PKHD1: variants seen among roughly 807,000 people sequenced by gnomAD.
The protein encoded by PKHD1 is fibrocystin.
PKHD1 carries 291 observed loss-of-function variants against 412.0 expected under a neutral mutation model. The observed-to-expected ratio is 0.71, with a 90% CI of 0.64 to 0.78. The LOEUF (loss-of-function observed/expected upper bound fraction) is 0.78, where lower values mean the gene tolerates loss of function less well. PKHD1 is among the 30% of genes least tolerant of loss of function. The probability of loss-of-function intolerance (pLI) is 0.00; values close to 1 mark genes in which losing one functional copy is unlikely to be tolerated. For missense variants in PKHD1, 4,825 were observed against 4,950.7 expected (o/e 0.97, Z 0.76); for synonymous variants, 1,777 against 1,821.5 (o/e 0.98, Z 0.62).
intron 60 of PKHD1, chr6:51,721,910 G>T: frequency 2.5e-6 from 4 of 1,609,506 alleles, no homozygotes; most frequent in Non-Finnish European, 3.4e-6. Context: ...TTTGGTCCAT[G>T]CTCCAACCCA....
chr6:52,082,595 A>G, intron 3 of PKHD1, 53 bp from the exon 4 acceptor site: 2 of 1,563,534 alleles, frequency 1.3e-6, no homozygotes, highest in Non-Finnish European at 1.8e-6. Flanking sequence ...TTGACACAGG[A>G]CAGTGTGAAA....
chr6:51,970,866 T>C (rs148981816), intron 35 of PKHD1, among the ~76,000 whole-genome samples: 100 of 152,324 alleles, frequency 6.6e-4, no homozygotes, highest in Admixed American at 1.8e-3. Flanking sequence ...TGCAGTATAA[T>C]TCGAAGTCAG....
intron 35 of PKHD1, among the ~76,000 whole-genome samples, chr6:51,989,899 GGGAGGAAGGAAGGAAGGAAGGAA>G (rs1796692994): frequency 1.3e-4 from 1 of 7,812 alleles, no homozygotes; most frequent in African/African-American, 6.3e-4. Context: ...GAAGGAAGGA[GGGAGGAAGGAAGGAAGGAAGGAA>G]GGAAGGAAGG....
intron 37 of PKHD1, among the ~76,000 whole-genome samples, chr6:51,921,833 CT>C (rs1784760513): frequency 6.6e-6 from 1 of 152,110 alleles, no homozygotes; most frequent in South Asian, 2.1e-4. Context: ...TTCATCTAAT[CT>C]TTTTTCAAGG....
intron 52 of PKHD1, among the ~76,000 whole-genome samples, chr6:51,823,637 C>G (rs1424883692): frequency 1.3e-5 from 2 of 152,096 alleles, no homozygotes; most frequent in African/African-American, 4.8e-5. Flanking sequence ...GAAAAAGAAT[C>G]TCAACCTATT....
chr6:51,756,334 T>C (rs1200531469), intron 55 of PKHD1, among the ~76,000 whole-genome samples: 2 of 152,162 alleles, frequency 1.3e-5, no homozygotes, highest in African/African-American at 2.4e-5. Flanking sequence ...TAAGACTAGA[T>C]AAATACATGG....
intron 60 of PKHD1, among the ~76,000 whole-genome samples, chr6:51,674,844 T>C (rs1363080194): frequency 2.0e-5 from 3 of 152,194 alleles, no homozygotes; most frequent in Non-Finnish European, 4.4e-5. Context: ...TTTAATATTT[T>C]ATCATACTAT....
intron 60 of PKHD1, among the ~76,000 whole-genome samples, chr6:51,741,337 T>C (rs548350573): frequency 6.6e-6 from 1 of 152,190 alleles, no homozygotes; most frequent in Non-Finnish European, 1.5e-5. Context: ...ACAAAACCTA[T>C]GACTTCCTTC....
At chr6:51,953,988 A>C (rs910176958) in intron 36 of PKHD1, among the ~76,000 whole-genome samples, 5 of 152,148 alleles carry the variant, frequency 3.3e-5, no homozygotes, top group Non-Finnish European at 7.4e-5. Context: ...CAGAAGCAAA[A>C]GCAATCCAAG....
chr6:51,832,067 C>G (rs778975674), intron 51 of PKHD1, among the ~76,000 whole-genome samples: 10 of 152,032 alleles, frequency 6.6e-5, no homozygotes, highest in Middle Eastern at 3.2e-3. Context: ...TGAGCACCTT[C>G]TCTATTAGAA....
chr6:51,837,599 G>A (rs1261164510), intron 50 of PKHD1, among the ~76,000 whole-genome samples: 1 of 152,064 alleles, frequency 6.6e-6, no homozygotes, highest in Non-Finnish European at 1.5e-5. Flanking sequence ...CCAGCTACTA[G>A]GGAAGCTGAG....
intron 11 of PKHD1, 127 bp downstream of exon 11, chr6:52,069,330 C>T (rs1425974345): frequency 3.9e-6 from 3 of 774,886 alleles, no homozygotes; most frequent in African/African-American, 3.4e-5. Context: ...AAACACCAGG[C>T]TGTCTATGAT....
chr6:51,871,633 T>C (rs1218753211), intron 46 of PKHD1, among the ~76,000 whole-genome samples: 1 of 118,894 alleles, frequency 8.4e-6, no homozygotes, highest in Admixed American at 7.9e-5. Flanking sequence ...TTAAAGCTCA[T>C]AGAACTGTAC....
At chr6:51,727,533 GC>G (rs1782726014) in intron 60 of PKHD1, among the ~76,000 whole-genome samples, 1 of 152,162 alleles carries the variant, frequency 6.6e-6, no homozygotes, top group South Asian at 2.1e-4. Flanking sequence ...TTACAGGGTG[GC>G]CCCCTTCTGG....
intron 36 of PKHD1, among the ~76,000 whole-genome samples, chr6:51,941,141 C>T (rs973643684): frequency 1.3e-5 from 2 of 150,738 alleles, no homozygotes; most frequent in Admixed American, 1.3e-4. Context: ...CCATTAAAAC[C>T]TAATCACCCT....
Position 51,616,694 on chromosome 6 carries a change from C to A in PKHD1, c.*2387G>T. 1 of 398,396 alleles carries A rather than the reference C, an allele frequency of 2.5e-6. No individual in the cohort carries two copies. Among genetic ancestry groups the A allele is most frequent in the Non-Finnish European group, 4.4e-6 (1 of 225,948 alleles). The allele number at this position is 398,396 out of a possible 1,614,324, so 24.7% of individuals were successfully genotyped here. A position where few individuals can be genotyped will look rare whatever the true frequency, so the allele number is the denominator to read the frequency against. ...CAATTCTGGCCTCAGGGATCACAGG[C>A]TTTTCTGGGATGGAATTAGTAAGAT... On this transcript the variant is annotated 3_prime_UTR_variant, in exon 67 of 67. Transcript: ENST00000371117.
chr6:51,993,385 A>G (rs1233395392), intron 35 of PKHD1, among the ~76,000 whole-genome samples: 1 of 152,256 alleles, frequency 6.6e-6, no homozygotes, highest in Non-Finnish European at 1.5e-5. Context: ...GGAAGTGGAC[A>G]GGTACCGAAC....
At chr6:52,036,137 C>G (rs1358361109) in intron 27 of PKHD1, among the ~76,000 whole-genome samples, 3 of 152,152 alleles carry the variant, frequency 2.0e-5, no homozygotes, top group Non-Finnish European at 4.4e-5. Context: ...AGGGTCAGGG[C>G]CACAGATTGC....
chr6:51,618,613 C>T lies in PKHD1; in HGVS notation c.*468G>A. ...CAGGGAGCAGGGTGTTGAACTGTCC[C>T]TTCAAATGCTACTACAGGATAAAGA... On this transcript the variant is annotated 3_prime_UTR_variant, in exon 67 of 67. Transcript: ENST00000371117. 4.1e-6 allele frequency: 1 copy of T among 242,050 alleles called. No homozygotes were observed. The highest frequency in any genetic ancestry group is 8.1e-6 in the Non-Finnish European group (1 of 123,188). The allele number at this position is 242,050 out of a possible 1,614,324, so 15.0% of individuals were successfully genotyped here.
Sources: gnomAD v4.1 joint callset for allele counts (sites outside exome capture counted in the v4.1 genomes callset) on GRCh38, gnomAD v4.1.1 for gene constraint, MANE v1.5 for transcripts, NCBI Gene and HGNC (gene_info 2026-07-23, HGNC 2026-07-21) for gene names.